The following MKNK2 variants were observed in gnomAD, a reference collection of about 807,000 sequenced individuals.
The protein encoded by MKNK2 is MAPK interacting serine/threonine kinase 2.
A neutral mutation model predicts 55.0 loss-of-function variants in MKNK2; 54 were observed. The ratio of observed to expected loss-of-function variants is 0.98; its 90% CI spans 0.79 to 1.23. MKNK2 has a LOEUF of 1.23. Among genes scored for constraint, MKNK2 ranks in the 50% most tolerant of loss-of-function variants. The pLI is 0.00. For synonymous variants in MKNK2, 323 were observed against 256.0 expected (o/e 1.26, Z -2.50); for missense variants, 685 against 632.1 (o/e 1.08, Z -0.90).
Position 2,041,984 on chromosome 19 carries a change from C to G in MKNK2, c.801G>C (p.Glu267Asp). 6.4e-7 allele frequency: 1 copy of G among 1,559,434 alleles called. No individual in the cohort carries two copies. Among genetic ancestry groups the G allele is most frequent in the East Asian group, 2.4e-5 (1 of 41,472 alleles). The change falls in exon 11 of 14, where the codon GAG (glutamate) becomes GAC (aspartate). Residue 267 changes from glutamate to aspartate, a missense_variant. Glu to Asp is a conservative substitution (Grantham distance 45). Coordinates refer to ENST00000250896, the MANE Select transcript of MKNK2 (RefSeq NM_199054.3). ...MAPEVVEAFSEEASIYDKRCD... is the reference protein window; with the variant it reads ...MAPEVVEAFSDEASIYDKRCD... ...AGCGCTTGTCGTAGATGCTAGCCTCCTCGCTGAAGGCCTCCACTACCTCCG... is the reference window on the plus strand; with the variant it reads ...AGCGCTTGTCGTAGATGCTAGCCTCGTCGCTGAAGGCCTCCACTACCTCCG...
chr19:2,043,040 C>T (rs568318315), intron 7 of MKNK2, 84 bp downstream of exon 7: 1,175 of 1,333,588 alleles, frequency 8.8e-4, no homozygotes, highest in Non-Finnish European at 1.1e-3. Context: ...ACCCCACAAG[C>T]CCCCTCCTGC....
At chr19:2,048,279 C>T (rs1315917715) in intron 2 of MKNK2, among the ~76,000 whole-genome samples, 1 of 152,134 alleles carries the variant, frequency 6.6e-6, no homozygotes, top group Non-Finnish European at 1.5e-5. Context: ...AAGACCCTGA[C>T]CAGGGTGCAA....
chr19:2,042,213 C>G, intron 10 of MKNK2, 179 bp from the exon 11 acceptor site: 1 of 727,676 alleles, frequency 1.4e-6, no homozygotes, highest in Non-Finnish European at 2.1e-6. Context: ...CTCGCCCCTC[C>G]CCCGCCGCGG....
intron 11 of MKNK2, among the ~76,000 whole-genome samples, chr19:2,041,585 C>T (rs745603434): frequency 9.9e-5 from 15 of 152,120 alleles, no homozygotes; most frequent in Non-Finnish European, 1.6e-4. Context: ...GCAGACAGGG[C>T]GGCACTGCCC....
intron 12 of MKNK2, 167 bp from the exon 13 acceptor site, chr19:2,040,344 C>A: frequency 1.7e-6 from 1 of 603,876 alleles, no homozygotes; most frequent in South Asian, 2.1e-5. Context: ...ACCCCGAGGT[C>A]CCTATGGTGA....
At chr19:2,050,766 G>A (rs1402750353) in intron 2 of MKNK2, 35 bp downstream of exon 2, 9 of 1,528,354 alleles carry the variant, frequency 5.9e-6, no homozygotes, top group Admixed American at 4.0e-5. Flanking sequence ...CGGTGGTCCA[G>A]CCCGGAGCGC....
In MKNK2 at chr19:2,037,702, T is replaced by C. The variant is rs768240128; in HGVS notation, c.*1911A>G. 15 of 1,405,740 alleles carry C rather than the reference T, an allele frequency of 1.1e-5. No individual in the cohort carries two copies. Among genetic ancestry groups the C allele is most frequent in the African/African-American group, 1.0e-4 (7 of 68,670 alleles). 87.1% of individuals were successfully genotyped at this position (1,405,740 alleles called of 1,614,324 possible). A position where few individuals can be genotyped will look rare whatever the true frequency, so the allele number is the denominator to read the frequency against. On this transcript the variant is annotated 3_prime_UTR_variant, in exon 14 of 14. Transcript: ENST00000250896. Reference sequence around the variant, plus strand: ...ATGGCCGTTCACCGTCCCCCAGCGATGGGAGCTGGCCTGGGGCCCAGGGTC... The same window carrying C: ...ATGGCCGTTCACCGTCCCCCAGCGACGGGAGCTGGCCTGGGGCCCAGGGTC...
chr19:2,048,111 C>T (rs1259766899), intron 2 of MKNK2, among the ~76,000 whole-genome samples: 1 of 152,190 alleles, frequency 6.6e-6, no homozygotes, highest in Non-Finnish European at 1.5e-5. Context: ...TCTCCCATTT[C>T]AGTGCCAGAC....
chr19:2,050,535 A>AG (rs984920801), intron 2 of MKNK2, among the ~76,000 whole-genome samples: 3 of 152,088 alleles, frequency 2.0e-5, no homozygotes, highest in African/African-American at 7.2e-5. Context: ...CCTGACCCGG[A>AG]GGGGGCTCCT....
chr19:2,042,037 G>C lies in MKNK2; in HGVS notation c.751-3C>G. ...GCCATGTACTCCGCCGAGCCGCACT[G>C]CGGGCGGGGGAGGGGCGCGTCAGCC... is the stretch of plus-strand genomic sequence containing the variant. On this transcript the variant is annotated splice_polypyrimidine_tract_variant and splice_region_variant and intron_variant, in intron 10 of 13. Coordinates refer to ENST00000250896, the MANE Select transcript of MKNK2 (RefSeq NM_199054.3). 1 of 1,483,540 alleles carries C rather than the reference G, an allele frequency of 6.7e-7. No homozygotes were observed. Among genetic ancestry groups the C allele is most frequent in the Non-Finnish European group, 9.0e-7 (1 of 1,115,676 alleles). The allele number at this position is 1,483,540 out of a possible 1,614,324, so 91.9% of individuals were successfully genotyped here. A position where few individuals can be genotyped will look rare whatever the true frequency, so the allele number is the denominator to read the frequency against.
rs1386923903 is a variant in MKNK2, at chr19:2,043,143, C to T, written c.474G>A (p.Val158=). 1.2e-6 allele frequency: 2 copies of T among 1,613,854 alleles called. No homozygotes were observed. The highest frequency in any genetic ancestry group is 2.2e-5 in the East Asian group (1 of 44,882). ...AGGTACCTCCCCGCATCTTCTCAAA[C>T]ACCAGGTAGAAGCGGTCCTCCTCCT... The part of the protein sequence containing the change: ...FFEEEDRFYL[V]FEKMRGGSIL... Residue 158 remains valine (V), a synonymous_variant, in exon 7 of 14, where the codon GTG becomes GTA. Transcript: ENST00000250896.
At position 2,037,903 on chromosome 19, in the gene MKNK2, G is replaced by C; in HGVS notation, c.*1710C>G. ...AGCTTTAGAGACCCGATGGCTATGG[G>C]CGCCTGCAGCGGGCGGGGGTCCATT... On this transcript the variant is annotated 3_prime_UTR_variant, in exon 14 of 14. Transcript: ENST00000250896. 6.9e-7 allele frequency: 1 copy of C among 1,446,846 alleles called. No homozygotes were observed. The allele number at this position is 1,446,846 out of a possible 1,614,324, so 89.6% of individuals were successfully genotyped here. A position where few individuals can be genotyped will look rare whatever the true frequency, so the allele number is the denominator to read the frequency against.
chr19:2,039,951 C>T lies in MKNK2; in HGVS notation c.1155-95G>A, dbSNP rs1400015618. On this transcript the variant is annotated intron_variant, in intron 13 of 13. Coordinates refer to ENST00000250896, the MANE Select transcript of MKNK2 (RefSeq NM_199054.3). ...GCCCTGGGGGAAGGGGCTTCATGCCCCCCTCCCAGCCCCCACCCTGGGGCT... is the reference window on the plus strand; with the variant it reads ...GCCCTGGGGGAAGGGGCTTCATGCCTCCCTCCCAGCCCCCACCCTGGGGCT... 81 of 1,446,064 alleles carry T rather than the reference C, an allele frequency of 5.6e-5. No individual in the cohort carries two copies. In the East Asian group the frequency reaches 1.1e-3, roughly 20 times the overall value. 89.6% of individuals were successfully genotyped at this position (1,446,064 alleles called of 1,614,324 possible). A position where few individuals can be genotyped will look rare whatever the true frequency, so the allele number is the denominator to read the frequency against.
chr19:2,041,856 G>C lies in MKNK2; in HGVS notation c.929C>G (p.Ala310Gly). The change falls in exon 11 of 14, where the codon GCC becomes GGC. Residue 310 changes from alanine (A) to glycine (G), a missense_variant. By Grantham distance (60) the Ala-to-Gly change is moderately conservative (BLOSUM62 0). Coordinates refer to ENST00000250896, the MANE Select transcript of MKNK2 (RefSeq NM_199054.3). ...CCGCCGCACCTGGCAGGCAGGGCAG[G>C]CCTCGCCGCGGTCCCAGCCGCAGTC... ...GSDCGWDRGE[A>G]CPACQNMLFE... 6.5e-7 allele frequency: 1 copy of C among 1,533,234 alleles called. No individual in the cohort carries two copies. Among genetic ancestry groups the C allele is most frequent in the East Asian group, 2.5e-5 (1 of 39,838 alleles). 95.0% of individuals were successfully genotyped at this position (1,533,234 alleles called of 1,614,324 possible).
In MKNK2 at chr19:2,041,493, G is replaced by A. The variant is rs897673960; in HGVS notation, c.946-289C>T. On this transcript the variant is annotated intron_variant, in intron 11 of 13. Transcript: ENST00000250896. ...TGAGCCTGATCCCCCCAAACCAGGG[G>A]CCTCACTCCACCTCTCAGCTCTCTG... 5.9e-5 allele frequency among the ~76,000 whole-genome samples: 9 copies of A among 152,262 alleles called. No homozygotes were observed. In the South Asian group the frequency reaches 1.9e-3, roughly 32 times the overall value.
Position 2,046,246 on chromosome 19 carries a change from G to T in MKNK2, c.279C>A (p.Gly93=). ...YQLQEDVLGE[G]AHARVQTCIN... is the part of the protein sequence containing the mutation. Reference sequence around the variant, plus strand: ...TGCAGGTCTGCACTCGGGCATGAGCGCCCTCCCCCAGCACATCTTCCTGCA... The same window carrying T: ...TGCAGGTCTGCACTCGGGCATGAGCTCCCTCCCCCAGCACATCTTCCTGCA... The change falls in exon 5 of 14, where the codon GGC becomes GGA. Residue 93 remains glycine, a synonymous_variant. Coordinates refer to ENST00000250896, the MANE Select transcript of MKNK2 (RefSeq NM_199054.3). The T allele has an allele frequency of 6.2e-7, 1 of 1,606,240 alleles. No homozygotes were observed.
At chr19:2,041,746 G>A (rs2016888228) in intron 11 of MKNK2, 94 bp downstream of exon 11, 1 of 1,067,030 alleles carries the variant, frequency 9.4e-7, no homozygotes, top group East Asian at 2.8e-5. Flanking sequence ...GACTTAGAGG[G>A]TGCGCAGGGC....
intron 5 of MKNK2, among the ~76,000 whole-genome samples, chr19:2,044,526 GC>G (rs1261742587): frequency 2.0e-5 from 3 of 152,120 alleles, no homozygotes; most frequent in Non-Finnish European, 4.4e-5. Flanking sequence ...GGACATGTTA[GC>G]CCCTCTCACT....
chr19:2,040,634 C>A (rs1028710416), intron 12 of MKNK2: 2 of 291,324 alleles, frequency 6.9e-6, no homozygotes, highest in Non-Finnish European at 6.5e-6. Context: ...CAGATGACCT[C>A]TGGCAGGAGA....
Sources: allele counts gnomAD v4.1 joint callset (sites outside exome capture counted in the v4.1 genomes callset), GRCh38; gene constraint gnomAD v4.1.1; transcripts MANE v1.5; gene names NCBI Gene and HGNC (gene_info 2026-07-23, HGNC 2026-07-21).